The following KCNJ12 variants were observed in gnomAD, a reference collection of about 807,000 sequenced individuals.
KCNJ12 encodes the protein potassium inwardly rectifying channel subfamily J member 12.
KCNJ12 carries 2 observed loss-of-function variants against 22.3 expected under a neutral mutation model. The observed-to-expected ratio is 0.09, with a 90% CI of 0.04 to 0.28. The LOEUF is 0.28. Ranked by LOEUF, KCNJ12 falls within the 10% of genes least tolerant of loss-of-function variation. The pLI is 1.00. For synonymous variants in KCNJ12, 117 were observed against 261.4 expected (o/e 0.45, Z 5.33); for missense variants, 155 against 633.3 (o/e 0.24, Z 8.11).
chr17:21,388,131 C>T (rs932629652), intron 1 of KCNJ12, among the ~76,000 whole-genome samples: 1 of 152,164 alleles, frequency 6.6e-6, no homozygotes, highest in Non-Finnish European at 1.5e-5. Context: ...TGGCAGCTGC[C>T]GGCTCCTGCA....
rs62049472 is a variant in KCNJ12 at position 21,406,853 on chromosome 17, G to A, written c.-178-1666G>A. Among the ~76,000 whole-genome samples, 57 of 152,316 alleles carry A rather than the reference G, an allele frequency of 3.7e-4. No individual in the cohort carries two copies. The South Asian group carries it at 7.1e-3, about 19-fold the overall frequency. The stretch of plus-strand genomic sequence containing the variant: ...CATGAACTCCCTGGCTGGGAGGTGC[G>A]GAGGTGAGAAGCATGTCAGGTGGCT... On this transcript the variant is annotated intron_variant, in intron 1 of 2. Coordinates refer to ENST00000583088, the MANE Select transcript of KCNJ12 (RefSeq NM_021012.5).
At chr17:21,383,380 C>T (rs1904951486) in intron 1 of KCNJ12, among the ~76,000 whole-genome samples, 1 of 152,164 alleles carries the variant, frequency 6.6e-6, no homozygotes, top group Non-Finnish European at 1.5e-5. Flanking sequence ...GCCAGGCTTC[C>T]ATTCAGGGCT....
At chr17:21,410,205 C>T (rs1195716526) in intron 2 of KCNJ12, among the ~76,000 whole-genome samples, 1 of 152,216 alleles carries the variant, frequency 6.6e-6, no homozygotes, top group African/African-American at 2.4e-5. Context: ...ATACCCTGGG[C>T]AGGGCCTGCC....
intron 2 of KCNJ12, among the ~76,000 whole-genome samples, chr17:21,413,569 C>T (rs1366556427): frequency 5.9e-5 from 9 of 151,838 alleles, no homozygotes; most frequent in African/African-American, 2.2e-4. Context: ...CTGGAAGGCC[C>T]AGGTCTCCCT....
intron 2 of KCNJ12, among the ~76,000 whole-genome samples, chr17:21,412,250 G>GAC (rs1480382547): frequency 1.1e-4 from 17 of 152,356 alleles, no homozygotes; most frequent in Non-Finnish European, 2.9e-5. Flanking sequence ...ACAGAAGTGG[G>GAC]GGTTTCCAAG....
chr17:21,406,909 C>T (rs1442164684), intron 1 of KCNJ12, among the ~76,000 whole-genome samples: 479 of 152,238 alleles, frequency 3.1e-3, no homozygotes, highest in African/African-American at 0.011. Flanking sequence ...CCCCTTCCCA[C>T]CAACCTCTTC....
intron 1 of KCNJ12, among the ~76,000 whole-genome samples, chr17:21,395,293 GA>G (rs1161884090): frequency 0.32 from 17,953 of 55,590 alleles, 4,133 homozygotes; most frequent in African/African-American, 0.61. Flanking sequence ...AGATCCTAAA[GA>G]AAAAAAAAAA....
In KCNJ12 at chr17:21,400,690, G is replaced by C. The variant is rs1221738530; in HGVS notation, c.-178-7829G>C. The stretch of plus-strand genomic sequence containing the variant: ...TCAGCCCTTCTCCCTCTGATCCAGC[G>C]TGCTGAGCTGTTCGTGTGCTAGGGA... On this transcript the variant is annotated intron_variant, in intron 1 of 2. Coordinates refer to ENST00000583088, the MANE Select transcript of KCNJ12 (RefSeq NM_021012.5). Among the ~76,000 whole-genome samples, 6 of 152,310 alleles carry C rather than the reference G, an allele frequency of 3.9e-5. No individual in the cohort carries two copies. The South Asian group carries it at 1.2e-3, about 31-fold the overall frequency.
intron 1 of KCNJ12, among the ~76,000 whole-genome samples, chr17:21,389,753 A>T (rs1905163847): frequency 6.6e-6 from 1 of 152,078 alleles, no homozygotes; most frequent in Non-Finnish European, 1.5e-5. Context: ...GTCCCCCAGC[A>T]CCAGTGTTCA....
chr17:21,407,480 C>T (rs11870786), intron 1 of KCNJ12, among the ~76,000 whole-genome samples: 3 of 147,118 alleles, frequency 2.0e-5, no homozygotes, highest in African/African-American at 5.1e-5. Flanking sequence ...CTTCTTCACT[C>T]ACCCATCCAC....
At chr17:21,412,650 C>G (rs1445586008) in intron 2 of KCNJ12, among the ~76,000 whole-genome samples, 5 of 152,302 alleles carry the variant, frequency 3.3e-5, no homozygotes, top group Non-Finnish European at 7.3e-5. Flanking sequence ...GCTGCCGGCT[C>G]CCTACTTCCA....
At chr17:21,378,235 G>A (rs1904737606) in intron 1 of KCNJ12, among the ~76,000 whole-genome samples, 1 of 152,240 alleles carries the variant, frequency 6.6e-6, no homozygotes, top group Non-Finnish European at 1.5e-5. Flanking sequence ...GCGCAGCTCC[G>A]CCCTGGACCG....
At position 21,390,532 on chromosome 17, in the gene KCNJ12, C is replaced by T. The variant is rs1555559192; in HGVS notation, c.-179+13619C>T. Among the ~76,000 whole-genome samples, 10 of 152,048 alleles carry T rather than the reference C, an allele frequency of 6.6e-5. No homozygotes were observed. In the South Asian group the frequency reaches 8.3e-4, roughly 13 times the overall value. ...AGCGGGGCCGGTGGCCAGAGGTGGACGGAGCCTGACCAAGGGGCGGGGGCA... is the reference window on the plus strand; with the variant it reads ...AGCGGGGCCGGTGGCCAGAGGTGGATGGAGCCTGACCAAGGGGCGGGGGCA... On this transcript the variant is annotated intron_variant, in intron 1 of 2. Coordinates refer to ENST00000583088, the MANE Select transcript of KCNJ12 (RefSeq NM_021012.5).
chr17:21,390,861 C>T (rs1276453443), intron 1 of KCNJ12, among the ~76,000 whole-genome samples: 1 of 151,870 alleles, frequency 6.6e-6, no homozygotes, highest in Non-Finnish European at 1.5e-5. Context: ...GTGAACAATT[C>T]AGTGGTATTT....
chr17:21,381,481 C>A (rs538682648), intron 1 of KCNJ12, among the ~76,000 whole-genome samples: 1 of 151,998 alleles, frequency 6.6e-6, no homozygotes. Flanking sequence ...GCTCCCTCCC[C>A]GGGGCCACGC....
chr17:21,391,575 C>T lies in KCNJ12; in HGVS notation c.-179+14662C>T, dbSNP rs191878842. Among the ~76,000 whole-genome samples, 492 of 152,358 alleles carry T rather than the reference C, an allele frequency of 3.2e-3. 3 individuals carry two copies. Among genetic ancestry groups the T allele is most frequent in the Middle Eastern group, 0.014 (4 of 294 alleles). ...CTCTCTGGGAACAACTGCCTTGCGG[C>T]GCTCCGCCCAGCCCTCTTCCTCCTC... On this transcript the variant is annotated intron_variant, in intron 1 of 2. Coordinates refer to ENST00000583088, the MANE Select transcript of KCNJ12 (RefSeq NM_021012.5).
At chr17:21,391,518 G>A (rs1905209644) in intron 1 of KCNJ12, among the ~76,000 whole-genome samples, 1 of 152,212 alleles carries the variant, frequency 6.6e-6, no homozygotes, top group South Asian at 2.1e-4. Flanking sequence ...TTAGGACAGG[G>A]TTACCAGTCA....
intron 1 of KCNJ12, among the ~76,000 whole-genome samples, chr17:21,407,728 T>C (rs1262195684): frequency 6.6e-6 from 1 of 150,744 alleles, no homozygotes; most frequent in African/African-American, 2.5e-5. Flanking sequence ...TCCATCCATC[T>C]ATCCAACCAT....
Position 21,415,272 on chromosome 17 carries a change from T to C in KCNJ12, c.-56-15T>C, listed in dbSNP as rs1597584848. On this transcript the variant is annotated splice_polypyrimidine_tract_variant and intron_variant, in intron 2 of 2. Transcript: ENST00000583088. ...GCCACCAGCCCAGCCAGACATGCTGTCGTCTCTGTTGCAGGAGCCGCCCTG... is the reference window on the plus strand; with the variant it reads ...GCCACCAGCCCAGCCAGACATGCTGCCGTCTCTGTTGCAGGAGCCGCCCTG... 6 of 1,553,328 alleles carry C rather than the reference T, an allele frequency of 3.9e-6. No individual in the cohort carries two copies. In the East Asian group the frequency reaches 1.4e-4, roughly 37 times the overall value.
Sources: allele counts gnomAD v4.1 joint callset (sites outside exome capture counted in the v4.1 genomes callset), GRCh38; gene constraint gnomAD v4.1.1; transcripts MANE v1.5; gene names NCBI Gene and HGNC (gene_info 2026-07-23, HGNC 2026-07-21).